Variants in DNHD1 observed in about 807,000 individuals in gnomAD.
DNHD1 encodes dynein heavy chain domain 1.
DNHD1 carries 383 observed loss-of-function variants against 458.1 expected under a neutral mutation model. The ratio of observed to expected loss-of-function variants is 0.84; its 90% CI spans 0.77 to 0.91. The LOEUF (loss-of-function observed/expected upper bound fraction) is 0.91. Ranked by LOEUF, DNHD1 falls within the 40% of genes least tolerant of loss-of-function variation. The pLI, the probability that DNHD1 is intolerant of heterozygous loss-of-function variation, is 0.00. For missense variants in DNHD1, 5,336 were observed against 5,866.1 expected (o/e 0.91, Z 2.95); for synonymous variants, 2,203 against 2,376.9 (o/e 0.93, Z 2.13).
chr11:6,499,894 C>T (rs1335654111), intron 3 of DNHD1, among the ~76,000 whole-genome samples: 2 of 151,290 alleles, frequency 1.3e-5, no homozygotes, highest in Non-Finnish European at 2.9e-5. Flanking sequence ...AAATATCTGG[C>T]TATCAGAGCT....
rs760603671 is a variant in DNHD1 at position 6,511,285 on chromosome 11, G to C, written c.1248G>C (p.Glu416Asp). 3 of 1,614,214 alleles carry C rather than the reference G, an allele frequency of 1.9e-6. No homozygotes were observed. The Admixed American group carries it at 5.0e-5, about 27-fold the overall frequency. ...GLLHISRLLQ[E>D]LHSVSWLPQE... ...TCCTTGATTCTAGGCTTCTGCAGGA[G>C]CTACACTCTGTGTCCTGGCTACCCC... The change falls in exon 7 of 43, where the codon GAG becomes GAC. Residue 416 changes from glutamate to aspartate, a missense_variant. Coordinates refer to ENST00000254579, the MANE Select transcript of DNHD1 (RefSeq NM_144666.3).
At chr11:6,562,915 AG>A in intron 28 of DNHD1, 66 bp from the exon 29 acceptor site, 1 of 1,503,170 alleles carries the variant, frequency 6.7e-7, no homozygotes, top group East Asian at 2.5e-5. Context: ...CCAGGATCAT[AG>A]GGTCTTCTGG....
At position 6,558,176 on chromosome 11, in the gene DNHD1, G is replaced by A. The variant is rs1853509930; in HGVS notation, c.8881G>A (p.Ala2961Thr). 1 of 1,551,604 alleles carries A rather than the reference G, an allele frequency of 6.4e-7. No homozygotes were observed. Among genetic ancestry groups the A allele is most frequent in the African/African-American group, 1.4e-5 (1 of 73,116 alleles). Reference sequence around the variant, plus strand: ...TACACTTCATCGCCTCCTGGCCCTGGCAACCTCAGGCAGTTTCCCTGGCCA... The same window carrying A: ...TACACTTCATCGCCTCCTGGCCCTGACAACCTCAGGCAGTTTCCCTGGCCA... ...LTTLHRLLAL[A>T]TSGSFPGQYT... The change falls in exon 25 of 43, where the codon GCA becomes ACA. Residue 2961 changes from alanine to threonine, a missense_variant. Transcript: ENST00000254579.
chr11:6,568,486 G>A lies in DNHD1; in HGVS notation c.12571G>A (p.Asp4191Asn). 6.2e-7 allele frequency: 1 copy of A among 1,613,818 alleles called. No individual in the cohort carries two copies. The highest frequency in any genetic ancestry group is 8.5e-7 in the Non-Finnish European group (1 of 1,179,874). Residue 4191 changes from aspartate to asparagine, a missense_variant, in exon 38 of 43, where the codon GAC becomes AAC. Transcript: ENST00000254579. ...AGACCTGGAATCAGAACAGCTTTTA[G>A]ACCAACCTGAAAGCAGGAATGTAAG... ...VADLESEQLL[D>N]QPESRNVSTV...
chr11:6,513,882 C>T (rs562730134), intron 7 of DNHD1, among the ~76,000 whole-genome samples: 19 of 151,866 alleles, frequency 1.3e-4, no homozygotes, highest in African/African-American at 3.4e-4. Flanking sequence ...CTCATTCTGT[C>T]GCCCAGGCTG....
At chr11:6,503,458 G>A (rs961412533) in intron 4 of DNHD1, 2 of 152,110 alleles carry the variant, frequency 1.3e-5, no homozygotes, top group African/African-American at 4.8e-5. Context: ...CCTCTCATTA[G>A]ATCCAAATCA....
At chr11:6,553,808 C>G (rs539149892) in intron 24 of DNHD1, among the ~76,000 whole-genome samples, 3 of 152,056 alleles carry the variant, frequency 2.0e-5, no homozygotes, top group Non-Finnish European at 4.4e-5. Flanking sequence ...GATCTGTACA[C>G]TGAAAATGAC....
rs1018602164 is a variant in DNHD1, at chr11:6,533,091, C to T, written c.2412C>T (p.Leu804=). Residue 804 remains leucine (L), a synonymous_variant, in exon 13 of 43, where the codon CTC becomes CTT. Coordinates refer to ENST00000254579, the MANE Select transcript of DNHD1 (RefSeq NM_144666.3). Reference sequence around the variant, plus strand: ...ACGTGCAAAATGAGTGCTGGAACCTCAGTCAACAACTCATGACAGAGCTCA... The same window carrying T: ...ACGTGCAAAATGAGTGCTGGAACCTTAGTCAACAACTCATGACAGAGCTCA... The part of the protein sequence containing the change: ...LAHVQNECWN[L]SQQLMTELTD... 10 of 1,551,688 alleles carry T rather than the reference C, an allele frequency of 6.4e-6. No homozygotes were observed. Among genetic ancestry groups the T allele is most frequent in the Non-Finnish European group, 8.7e-6 (10 of 1,146,974 alleles).
At position 6,533,721 on chromosome 11, in the gene DNHD1, G is replaced by T. The variant is rs558110476; in HGVS notation, c.2546G>T (p.Arg849Leu). ...ANEQYVELEERMEYVRALHEL... is the reference protein window; with the variant it reads ...ANEQYVELEELMEYVRALHEL... ...GAACAGTACGTCGAGCTGGAGGAGCGAATGGAATACGTACGGGCACTCCAC... is the reference window on the plus strand; with the variant it reads ...GAACAGTACGTCGAGCTGGAGGAGCTAATGGAATACGTACGGGCACTCCAC... The change falls in exon 14 of 43, where the codon CGA (arginine) becomes CTA (leucine). Residue 849 changes from arginine to leucine, a missense_variant. Coordinates refer to ENST00000254579, the MANE Select transcript of DNHD1 (RefSeq NM_144666.3). 1 of 1,551,146 alleles carries T rather than the reference G, an allele frequency of 6.4e-7. No homozygotes were observed. The highest frequency in any genetic ancestry group is 8.7e-7 in the Non-Finnish European group (1 of 1,146,826).
At chr11:6,507,859 C>T in intron 4 of DNHD1, among the ~76,000 whole-genome samples, 1 of 152,166 alleles carries the variant, frequency 6.6e-6, no homozygotes, top group East Asian at 1.9e-4. Context: ...ACTTAAGAAA[C>T]TTTAGTAACT....
At chr11:6,530,987 A>G (rs1249334188) in intron 12 of DNHD1, among the ~76,000 whole-genome samples, 2 of 152,180 alleles carry the variant, frequency 1.3e-5, no homozygotes, top group African/African-American at 4.8e-5. Context: ...ACTTCAGATT[A>G]CTGTGTTTTA....
intron 12 of DNHD1, among the ~76,000 whole-genome samples, chr11:6,530,422 T>C (rs1852801971): frequency 1.3e-5 from 2 of 151,908 alleles, no homozygotes; most frequent in African/African-American, 4.8e-5. Context: ...AGCCTAGGAG[T>C]TCGCCACAGA....
intron 7 of DNHD1, among the ~76,000 whole-genome samples, chr11:6,512,003 A>G (rs1852342870): frequency 6.6e-6 from 1 of 152,118 alleles, no homozygotes; most frequent in Non-Finnish European, 1.5e-5. Flanking sequence ...TACCATGTGT[A>G]GATAGTCCGG....
rs1250110703 is a variant in DNHD1, at chr11:6,519,790, T to C, written c.1583T>C (p.Ile528Thr). 2 of 1,613,530 alleles carry C rather than the reference T, an allele frequency of 1.2e-6. No individual in the cohort carries two copies. Among genetic ancestry groups the C allele is most frequent in the Non-Finnish European group, 1.7e-6 (2 of 1,180,032 alleles). The change falls in exon 8 of 43, where the codon ATT becomes ACT. Residue 528 changes from isoleucine (I) to threonine (T), a missense_variant. Coordinates refer to ENST00000254579, the MANE Select transcript of DNHD1 (RefSeq NM_144666.3). ...TTTGCCCGCCTGGTTGACTACATGA[T>C]TTGTCAGAGCCTCATTTCTGTCTTG... is the stretch of plus-strand genomic sequence containing the variant. ...GKFARLVDYM[I>T]CQSLISVLEE...
intron 34 of DNHD1, 77 bp from the exon 35 acceptor site, chr11:6,566,510 G>A: frequency 3.2e-6 from 5 of 1,568,094 alleles, no homozygotes; most frequent in Non-Finnish European, 4.3e-6. Flanking sequence ...CTATAGCAGG[G>A]AGCCATACTC....
chr11:6,559,960 C>T (rs1312822513), intron 28 of DNHD1, among the ~76,000 whole-genome samples: 2 of 152,100 alleles, frequency 1.3e-5, no homozygotes, highest in African/African-American at 4.8e-5. Context: ...ACCTCAAAAC[C>T]TTTTGCTGTC....
In DNHD1 at chr11:6,564,628, T is replaced by C; in HGVS notation, c.10580T>C (p.Leu3527Pro). The change falls in exon 32 of 43, where the codon CTG (leucine) becomes CCG (proline). Residue 3527 changes from leucine (L) to proline (P), a missense_variant. Transcript: ENST00000254579. Reference sequence around the variant, plus strand: ...GAGCAGTACCAGTGGGATGGAAACCTGAAGCCACAGGCAAAGTCGGCCCAC... The same window carrying C: ...GAGCAGTACCAGTGGGATGGAAACCCGAAGCCACAGGCAAAGTCGGCCCAC... ...ESEQYQWDGN[L>P]KPQAKSAHLA... 2 of 1,551,718 alleles carry C rather than the reference T, an allele frequency of 1.3e-6. No individual in the cohort carries two copies. Among genetic ancestry groups the C allele is most frequent in the East Asian group, 4.9e-5 (2 of 40,910 alleles).
chr11:6,550,983 T>C (rs1474085808), intron 24 of DNHD1, among the ~76,000 whole-genome samples: 1 of 152,204 alleles, frequency 6.6e-6, no homozygotes, highest in African/African-American at 2.4e-5. Context: ...ACATTAAAGA[T>C]CTGAATAACA....
At chr11:6,554,267 C>T (rs1853417119) in intron 24 of DNHD1, among the ~76,000 whole-genome samples, 2 of 152,052 alleles carry the variant, frequency 1.3e-5, no homozygotes, top group African/African-American at 4.8e-5. Context: ...GCTGGAACAT[C>T]TGGATATATG....
Sources: gnomAD v4.1 joint callset for allele counts (sites outside exome capture counted in the v4.1 genomes callset) on GRCh38, gnomAD v4.1.1 for gene constraint, MANE v1.5 for transcripts, NCBI Gene and HGNC (gene_info 2026-07-23, HGNC 2026-07-21) for gene names.